G2E3: variants seen among roughly 807,000 people sequenced by gnomAD.
The protein encoded by G2E3 is G2/M-phase specific E3 ubiquitin protein ligase.
Under a neutral mutation model 92.8 loss-of-function variants are expected in G2E3, and 35 were observed. The observed-to-expected ratio is 0.38, with a 90% CI of 0.29 to 0.50. The LOEUF (loss-of-function observed/expected upper bound fraction) is 0.50. G2E3 is among the 20% of genes least tolerant of loss of function. The pLI is 0.94. For missense variants in G2E3, 554 were observed against 823.8 expected, an observed-to-expected ratio of 0.67 and a Z score of 4.01; for synonymous variants, 242 against 272.4, an observed-to-expected ratio of 0.89 and a Z score of 1.10.
chr14:30,614,026 T>C (rs1316117153), intron 13 of G2E3, among the ~76,000 whole-genome samples: 1 of 152,142 alleles, frequency 6.6e-6, no homozygotes, highest in African/African-American at 2.4e-5. Context: ...TTAGTTTTTA[T>C]TAACATTTCA....
At chr14:30,565,746 C>G (rs1322731821) in intron 1 of G2E3, among the ~76,000 whole-genome samples, 1 of 147,618 alleles carries the variant, frequency 6.8e-6, no homozygotes, top group African/African-American at 2.5e-5. Context: ...ACTGCAAGCT[C>G]CACTTCCTGG....
At position 30,602,129 on chromosome 14, in the gene G2E3, G is replaced by A. The variant is rs972491486; in HGVS notation, c.1008G>A (p.Leu336=). Residue 336 remains leucine, a splice_region_variant and synonymous_variant, in exon 10 of 15, where the codon CTG becomes CTA. Coordinates refer to ENST00000206595, the MANE Select transcript of G2E3 (RefSeq NM_017769.5). ...QSPGSQSKDL[L]RQGSKFRRNV... The stretch of plus-strand genomic sequence containing the variant: ...CTGGATCCCAGAGTAAAGATCTACT[G>A]AGGTATGTATTTTGAATTGGAGAAA... 6.3e-7 allele frequency: 1 copy of A among 1,599,222 alleles called. No homozygotes were observed. The highest frequency in any genetic ancestry group is 8.5e-7 in the Non-Finnish European group (1 of 1,173,670).
intron 1 of G2E3, among the ~76,000 whole-genome samples, chr14:30,572,214 C>T (rs1008458905): frequency 2.6e-5 from 4 of 152,118 alleles, no homozygotes; most frequent in African/African-American, 4.8e-5. Context: ...GTTAAAGTCA[C>T]TTATTCTTAT....
chr14:30,559,855 C>T (rs1033831937), intron 1 of G2E3: 1 of 152,166 alleles, frequency 6.6e-6, no homozygotes, highest in African/African-American at 2.4e-5. Context: ...GTATTTAAAA[C>T]CCGGATATTT....
At chr14:30,575,272 GT>G (rs1017826271) in intron 1 of G2E3, among the ~76,000 whole-genome samples, 1 of 151,902 alleles carries the variant, frequency 6.6e-6, no homozygotes, top group Non-Finnish European at 1.5e-5. Context: ...TAATGGGGTT[GT>G]TTTTTTCTTG....
intron 1 of G2E3, among the ~76,000 whole-genome samples, chr14:30,563,109 G>C (rs970678820): frequency 6.7e-6 from 1 of 148,718 alleles, no homozygotes; most frequent in African/African-American, 2.5e-5. Flanking sequence ...CCGCACACGG[G>C]GAGAAAAACC....
intron 1 of G2E3, among the ~76,000 whole-genome samples, chr14:30,570,569 C>G (rs576955152): frequency 6.6e-6 from 1 of 152,034 alleles, no homozygotes; most frequent in Non-Finnish European, 1.5e-5. Context: ...TTCAACTAAC[C>G]TGTCTTCAAG....
intron 2 of G2E3, among the ~76,000 whole-genome samples, chr14:30,583,178 C>G (rs1402322830): frequency 6.6e-6 from 1 of 152,142 alleles, no homozygotes; most frequent in Admixed American, 6.6e-5. Flanking sequence ...GGGATCCTGT[C>G]TTTTCAGCTA....
chr14:30,563,695 T>TGTG (rs1879256925), intron 1 of G2E3, among the ~76,000 whole-genome samples: 18 of 141,298 alleles, frequency 1.3e-4, no homozygotes, highest in African/African-American at 3.8e-4. Context: ...TTTGTTACTT[T>TGTG]TGTGTGTGTG....
chr14:30,615,546 G>A lies in G2E3; in HGVS notation c.1864+7G>A. 6.6e-7 allele frequency: 1 copy of A among 1,505,782 alleles called. No individual in the cohort carries two copies. The highest frequency in any genetic ancestry group is 1.3e-5 in the South Asian group (1 of 77,192). The allele number at this position is 1,505,782 out of a possible 1,614,324, so 93.3% of individuals were successfully genotyped here. The stretch of plus-strand genomic sequence containing the variant: ...TACTTACAGGCTGTTGAAGGTATGT[G>A]GATATTTTATTTTACTTTTAACGAT... On this transcript the variant is annotated splice_region_variant and intron_variant, in intron 14 of 14. Coordinates refer to ENST00000206595, the MANE Select transcript of G2E3 (RefSeq NM_017769.5).
chr14:30,604,921 A>G (rs2138892389), intron 10 of G2E3, among the ~76,000 whole-genome samples: 1 of 151,902 alleles, frequency 6.6e-6, no homozygotes, highest in African/African-American at 2.4e-5. Flanking sequence ...TATGAGACGG[A>G]GTTTCGCTCT....
intron 6 of G2E3, among the ~76,000 whole-genome samples, chr14:30,595,103 A>C (rs1881217168): frequency 6.6e-6 from 1 of 152,026 alleles, no homozygotes; most frequent in Non-Finnish European, 1.5e-5. Context: ...GCACCACTGC[A>C]CTCCTGTCTG....
intron 10 of G2E3, 135 bp from the exon 11 acceptor site, chr14:30,605,370 T>A (rs1333732726): frequency 8.9e-6 from 4 of 447,256 alleles, no homozygotes; most frequent in African/African-American, 8.1e-5. Context: ...ATTGTTACAA[T>A]TTTGGGTGGG....
chr14:30,609,560 T>C (rs1162405887), intron 12 of G2E3, among the ~76,000 whole-genome samples: 1 of 152,256 alleles, frequency 6.6e-6, no homozygotes, highest in Non-Finnish European at 1.5e-5. Flanking sequence ...CAGTCATCAT[T>C]CTTTATTATT....
chr14:30,574,532 C>T (rs1879959854), intron 1 of G2E3: 1 of 151,662 alleles, frequency 6.6e-6, no homozygotes, highest in African/African-American at 2.4e-5. Context: ...AGGTATTAAG[C>T]CCAATAGCCA....
chr14:30,603,110 G>A (rs550191108), intron 10 of G2E3, among the ~76,000 whole-genome samples: 58 of 152,214 alleles, frequency 3.8e-4, no homozygotes, highest in African/African-American at 1.2e-3. Flanking sequence ...GGCGGATCCC[G>A]AGGTCAAGAG....
At position 30,590,379 on chromosome 14, in the gene G2E3, A is replaced by C. The variant is rs2138846468; in HGVS notation, c.237+895A>C. Among the ~76,000 whole-genome samples, 3 of 152,308 alleles carry C rather than the reference A, an allele frequency of 2.0e-5. No individual in the cohort carries two copies. The South Asian group carries it at 6.2e-4, about 32-fold the overall frequency. ...GTGGAGGAGTGACTAGGAAGTTAGC[A>C]GATAACAGAAGGGTAAATGTCATTA... On this transcript the variant is annotated intron_variant, in intron 4 of 14. Transcript: ENST00000206595.
At chr14:30,585,311 C>T (rs1052717588) in intron 2 of G2E3, among the ~76,000 whole-genome samples, 8 of 152,172 alleles carry the variant, frequency 5.3e-5, no homozygotes, top group Middle Eastern at 3.4e-3. Context: ...AGATCCTTGG[C>T]TGGTATTTAA....
intron 7 of G2E3, 65 bp from the exon 8 acceptor site, chr14:30,598,418 C>G: frequency 9.4e-7 from 1 of 1,067,028 alleles, no homozygotes; most frequent in Non-Finnish European, 1.5e-6. Context: ...TTTTTAGATT[C>G]ATTCCTGATC....
Sources: allele counts gnomAD v4.1 joint callset (sites outside exome capture counted in the v4.1 genomes callset), GRCh38; gene constraint gnomAD v4.1.1; transcripts MANE v1.5; gene names NCBI Gene and HGNC (gene_info 2026-07-23, HGNC 2026-07-21).